The following PLEKHM2 variants were observed in gnomAD, a reference collection of about 807,000 sequenced individuals.
PLEKHM2 encodes pleckstrin homology domain-containing family M member 2.
PLEKHM2 carries 77 observed loss-of-function variants against 116.3 expected under a neutral mutation model. That is an observed-to-expected ratio of 0.66 (90% CI 0.55 to 0.80). The LOEUF is 0.80. Among genes scored for constraint, PLEKHM2 ranks in the 30% least tolerant of loss-of-function variants. The pLI, the probability that PLEKHM2 is intolerant of heterozygous loss-of-function variation, is 0.00. For synonymous variants in PLEKHM2, 562 were observed against 571.0 expected, an observed-to-expected ratio of 0.98 and a Z score of 0.22; for missense variants, 1,183 against 1,354.9, an observed-to-expected ratio of 0.87 and a Z score of 1.99.
chr1:15,703,493 C>T (rs1557645849), intron 1 of PLEKHM2, among the ~76,000 whole-genome samples: 1 of 152,160 alleles, frequency 6.6e-6, no homozygotes, highest in Non-Finnish European at 1.5e-5. Context: ...CTCTTTTTGA[C>T]CTTGTCTGAC....
Position 15,728,095 on chromosome 1 carries a change from C to T in PLEKHM2, c.1777C>T (p.Leu593=). 6.2e-7 allele frequency: 1 copy of T among 1,610,964 alleles called. No individual in the cohort carries two copies. Among genetic ancestry groups the T allele is most frequent in the Non-Finnish European group, 8.5e-7 (1 of 1,178,584 alleles). ...SSEFRVDNNH[L]LLLMIHVFRE... is the part of the protein sequence containing the mutation. ...CCCTCACAGAGTAGACAACAATCAC[C>T]TGCTCCTGCTCATGATCCACGTGTT... is the stretch of plus-strand genomic sequence containing the variant. Residue 593 remains leucine, a synonymous_variant, in exon 10 of 20, where the codon CTG becomes TTG. Transcript: ENST00000375799. The surrounding 1 kb of genome is among the most constrained non-coding windows in gnomAD (Gnocchi z 5.9).
rs372158596 is a variant in PLEKHM2, at chr1:15,688,976, C to T, written c.60+4358C>T. Among the ~76,000 whole-genome samples the T allele has an allele frequency of 3.8e-4, 57 of 151,748 alleles. No individual in the cohort carries two copies. In the South Asian group the frequency reaches 0.011, roughly 28 times the overall value. ...TAAGAAGCAACCTCCTGGCCAGGCG[C>T]GGTGGCTCATGCCTGTAACCCCAAC... On this transcript the variant is annotated intron_variant, in intron 1 of 19. Coordinates refer to ENST00000375799, the MANE Select transcript of PLEKHM2 (RefSeq NM_015164.4).
intron 1 of PLEKHM2, among the ~76,000 whole-genome samples, chr1:15,707,104 CAAA>C (rs35371488): frequency 1.4e-5 from 2 of 144,554 alleles, no homozygotes; most frequent in African/African-American, 5.0e-5. Flanking sequence ...AACTCCGTCT[CAAA>C]AAAAAAAAAG....
In PLEKHM2 at chr1:15,725,499, C is replaced by T. The variant is rs1557658266; in HGVS notation, c.895C>T (p.Gln299Ter). 6.3e-7 allele frequency: 1 copy of T among 1,580,204 alleles called. No homozygotes were observed. Among genetic ancestry groups the T allele is most frequent in the Non-Finnish European group, 8.6e-7 (1 of 1,164,000 alleles). ...HTTSQEKEEA[Q>*]ALDPPDACTE... ...CACCTCTCAGGAGAAGGAGGAGGCC[C>T]AGGCCCTGGACCCGCCGGATGCCTG... The change falls in exon 8 of 20, where the codon CAG becomes TAG. Residue 299 changes from glutamine to a stop codon, truncating the protein, a stop_gained. Transcript: ENST00000375799. LOFTEE classifies it high-confidence loss of function.
intron 1 of PLEKHM2, among the ~76,000 whole-genome samples, chr1:15,702,415 G>T (rs898088087): frequency 2.0e-5 from 3 of 148,718 alleles, no homozygotes; most frequent in African/African-American, 7.4e-5. Context: ...CTTCAGGTGG[G>T]TTTTTTTTTT....
chr1:15,721,438 A>G lies in PLEKHM2; in HGVS notation c.712+50A>G. Reference sequence around the variant, plus strand: ...TCTTTTCCTGTTTTGCAATGTTTCCATGCCAAGCTTGCTGCATGTATCAAA... The same window carrying G: ...TCTTTTCCTGTTTTGCAATGTTTCCGTGCCAAGCTTGCTGCATGTATCAAA... On this transcript the variant is annotated intron_variant, in intron 7 of 19. Transcript: ENST00000375799. This position sits in a 1 kb window ranked among gnomAD's most constrained non-coding sequence, Gnocchi z 5.1. 8.7e-6 allele frequency: 10 copies of G among 1,144,374 alleles called. No homozygotes were observed. The highest frequency in any genetic ancestry group is 1.3e-5 in the Non-Finnish European group (10 of 778,836). The allele number at this position is 1,144,374 out of a possible 1,614,324, so 70.9% of individuals were successfully genotyped here. A position where few individuals can be genotyped will look rare whatever the true frequency, so the allele number is the denominator to read the frequency against.
At chr1:15,711,595 C>T (rs1429760342) in intron 1 of PLEKHM2, among the ~76,000 whole-genome samples, 3 of 144,304 alleles carry the variant, frequency 2.1e-5, no homozygotes, top group African/African-American at 7.8e-5. Context: ...CCAGCCTGGG[C>T]AACAGAGCGA....
intron 1 of PLEKHM2, among the ~76,000 whole-genome samples, chr1:15,706,804 G>A (rs1013801168): frequency 3.3e-4 from 50 of 152,024 alleles, no homozygotes; most frequent in Non-Finnish European, 4.1e-4. Context: ...CCCTGATGCC[G>A]TATTATACAT....
At position 15,732,519 on chromosome 1, in the gene PLEKHM2, A is replaced by G; in HGVS notation, c.2795A>G (p.Tyr932Cys). Residue 932 changes from tyrosine (Y) to cysteine (C), a missense_variant, in exon 18 of 20, where the codon TAC becomes TGC. This residue lies in a region of PLEKHM2 where 594 missense variants were observed against 720.1 expected (regional missense o/e 0.82). Coordinates refer to ENST00000375799, the MANE Select transcript of PLEKHM2 (RefSeq NM_015164.4). ...GTCTCCACCGAGCCGGGCAAGGAGT[A>G]CTGCGTCTTGGTGAGCTTTGAGTGG... ...SAVSTEPGKE[Y>C]CVLEFSQDSQ... 6.2e-7 allele frequency: 1 copy of G among 1,610,030 alleles called. No individual in the cohort carries two copies.
In PLEKHM2 at chr1:15,728,400, T is replaced by C. The variant is rs560767681; in HGVS notation, c.1921+43T>C. The C allele has an allele frequency of 1.3e-6, 2 of 1,546,570 alleles. No individual in the cohort carries two copies. The highest frequency in any genetic ancestry group is 1.4e-5 in the African/African-American group (1 of 73,816). ...GCAGACAGCGGGTTGTAGACGAGGC[T>C]GACTCTCAGCCCCTTTTCCCCAGTC... On this transcript the variant is annotated intron_variant, in intron 11 of 19. Transcript: ENST00000375799. The surrounding 1 kb of genome is among the most constrained non-coding windows in gnomAD (Gnocchi z 5.9).
intron 8 of PLEKHM2, chr1:15,725,871 C>T (rs775580383): frequency 1.4e-5 from 5 of 361,126 alleles, no homozygotes; most frequent in East Asian, 1.1e-4. Flanking sequence ...TCCCTCTTCT[C>T]GCTGTGTTGT....
chr1:15,710,021 G>A (rs1170305321), intron 1 of PLEKHM2, among the ~76,000 whole-genome samples: 2 of 151,904 alleles, frequency 1.3e-5, no homozygotes, highest in Non-Finnish European at 2.9e-5. Context: ...TCAGGATATC[G>A]AGACCATCCT....
intron 1 of PLEKHM2, among the ~76,000 whole-genome samples, chr1:15,688,611 T>C (rs1037721587): frequency 6.8e-6 from 1 of 147,056 alleles, no homozygotes; most frequent in African/African-American, 2.6e-5. Flanking sequence ...GATCGCGCCA[T>C]TGCACTCCAG....
At chr1:15,696,097 A>C (rs986734292) in intron 1 of PLEKHM2, among the ~76,000 whole-genome samples, 1 of 151,848 alleles carries the variant, frequency 6.6e-6, no homozygotes, top group African/African-American at 2.4e-5. Flanking sequence ...TACAGGCATG[A>C]GCCACCACAC....
intron 19 of PLEKHM2, among the ~76,000 whole-genome samples, chr1:15,733,171 C>T (rs997516456): frequency 1.3e-5 from 2 of 152,240 alleles, no homozygotes; most frequent in Non-Finnish European, 2.9e-5. Context: ...GTGCCAGCCC[C>T]AGACTGAGCA....
chr1:15,706,321 C>T (rs532871682), intron 1 of PLEKHM2, among the ~76,000 whole-genome samples: 20 of 152,292 alleles, frequency 1.3e-4, no homozygotes, highest in South Asian at 4.1e-4. Context: ...CCCTGCTGTT[C>T]CTCTAACCGG....
At chr1:15,687,220 G>A (rs967578816) in intron 1 of PLEKHM2, among the ~76,000 whole-genome samples, 3 of 152,096 alleles carry the variant, frequency 2.0e-5, no homozygotes, top group African/African-American at 7.2e-5. Flanking sequence ...AGGCTGGAGT[G>A]CAGTGGCGTG....
intron 1 of PLEKHM2, among the ~76,000 whole-genome samples, chr1:15,698,263 A>G (rs1390303331): frequency 6.6e-6 from 1 of 151,992 alleles, no homozygotes; most frequent in Non-Finnish European, 1.5e-5. Flanking sequence ...AGGCTGCAGT[A>G]CACAACCATA....
In PLEKHM2 at chr1:15,716,262, A is replaced by G; in HGVS notation, c.86A>G (p.Glu29Gly). 6.2e-7 allele frequency: 1 copy of G among 1,600,920 alleles called. No homozygotes were observed. The highest frequency in any genetic ancestry group is 8.5e-7 in the Non-Finnish European group (1 of 1,173,506). The change falls in exon 2 of 20, where the codon GAG becomes GGG. Residue 29 changes from glutamate to glycine, a missense_variant. Around this residue, in one of 3 missense-constraint regions of PLEKHM2, gnomAD observed 217 missense variants for 277.6 expected, o/e 0.78. Coordinates refer to ENST00000375799, the MANE Select transcript of PLEKHM2 (RefSeq NM_015164.4). ...TTGCAGAGCTATTTTGCTGCATGTG[A>G]GGATGAGATCCCTGCCATCCGGAAC... is the stretch of plus-strand genomic sequence containing the variant. ...KKLQSYFAAC[E>G]DEIPAIRNHD...
Sources: gnomAD v4.1 joint callset for allele counts (sites outside exome capture counted in the v4.1 genomes callset) on GRCh38, gnomAD v4.1.1 for gene constraint, gnomAD v4.1.1 regional missense constraint, Gnocchi (gnomAD v3.1) non-coding constraint, MANE v1.5 for transcripts, NCBI Gene and HGNC (gene_info 2026-07-23, HGNC 2026-07-21) for gene names.